The following PLPPR4 variants were observed in gnomAD, a reference collection of about 807,000 sequenced individuals.
PLPPR4 encodes phospholipid phosphatase-related protein type 4.
Under a neutral mutation model 56.6 loss-of-function variants are expected in PLPPR4, and 24 were observed. The observed-to-expected ratio is 0.42, with a 90% CI of 0.31 to 0.60. The LOEUF is 0.60. Among genes scored for constraint, PLPPR4 ranks in the 20% least tolerant of loss-of-function variants. PLPPR4 has a pLI of 0.13. For missense variants in PLPPR4, 654 were observed against 885.8 expected (o/e 0.74, Z 3.32); for synonymous variants, 326 against 328.1 (o/e 0.99, Z 0.07).
intron 1 of PLPPR4, 56 bp from the exon 2 acceptor site, chr1:99,287,909 T>C (rs1659509324): frequency 2.9e-6 from 4 of 1,385,636 alleles, no homozygotes; most frequent in Admixed American, 1.9e-5. Flanking sequence ...TTGTTTTCTA[T>C]GTATGCCCTG....
chr1:99,301,088 T>G (rs748307081), intron 5 of PLPPR4, 122 bp downstream of exon 5: 1 of 827,772 alleles, frequency 1.2e-6, no homozygotes, highest in Non-Finnish European at 2.0e-6. Context: ...AATTTAGCAC[T>G]GCAGCCTTTC....
intron 1 of PLPPR4, among the ~76,000 whole-genome samples, chr1:99,274,144 C>G (rs964147394): frequency 2.0e-5 from 3 of 151,934 alleles, no homozygotes; most frequent in Admixed American, 6.6e-5. Flanking sequence ...TATGGTAAAA[C>G]AAACTATTAG....
At chr1:99,278,073 A>G (rs770430268) in intron 1 of PLPPR4, among the ~76,000 whole-genome samples, 3 of 152,120 alleles carry the variant, frequency 2.0e-5, no homozygotes, top group African/African-American at 7.2e-5. Context: ...TTAACTATCT[A>G]TAAAAAGAAA....
intron 1 of PLPPR4, among the ~76,000 whole-genome samples, chr1:99,283,931 G>T (rs1557777022): frequency 6.6e-6 from 1 of 152,082 alleles, no homozygotes; most frequent in Non-Finnish European, 1.5e-5. Context: ...CAGCTTGGGC[G>T]ACAGAGCGAG....
chr1:99,292,440 T>C (rs1659645982), intron 2 of PLPPR4, among the ~76,000 whole-genome samples: 1 of 152,180 alleles, frequency 6.6e-6, no homozygotes, highest in South Asian at 2.1e-4. Flanking sequence ...AAATACACCA[T>C]GGCTCCCTTC....
At chr1:99,280,424 A>G (rs1659294985) in intron 1 of PLPPR4, among the ~76,000 whole-genome samples, 1 of 152,178 alleles carries the variant, frequency 6.6e-6, no homozygotes, top group Non-Finnish European at 1.5e-5. Context: ...GAAATTGCCT[A>G]TGTTTTTTGT....
intron 1 of PLPPR4, among the ~76,000 whole-genome samples, chr1:99,273,785 A>C (rs1209766438): frequency 6.6e-6 from 1 of 152,154 alleles, no homozygotes; most frequent in African/African-American, 2.4e-5. Context: ...TGGATGTAAT[A>C]AAATAGGACT....
chr1:99,292,017 T>C (rs1038880101), intron 2 of PLPPR4, among the ~76,000 whole-genome samples: 6 of 152,252 alleles, frequency 3.9e-5, no homozygotes, highest in African/African-American at 1.2e-4. Context: ...AAAGCGCTTA[T>C]CCTAAAAGTG....
chr1:99,271,823 A>G (rs959229060), intron 1 of PLPPR4, among the ~76,000 whole-genome samples: 7 of 151,810 alleles, frequency 4.6e-5, no homozygotes, highest in Non-Finnish European at 2.9e-5. Context: ...AAACTCAACA[A>G]GGTAATAGAA....
chr1:99,267,461 T>C (rs1658929340), intron 1 of PLPPR4, among the ~76,000 whole-genome samples: 1 of 152,172 alleles, frequency 6.6e-6, no homozygotes, highest in Non-Finnish European at 1.5e-5. Flanking sequence ...ACTTCTCTCA[T>C]CCTTAGTTTC....
chr1:99,301,918 T>C (rs1390201480), intron 6 of PLPPR4, 21 bp downstream of exon 6: 1 of 1,538,480 alleles, frequency 6.5e-7, no homozygotes. Flanking sequence ...TACTATTATC[T>C]TATAAGCCAA....
At position 99,296,703 on chromosome 1, in the gene PLPPR4, C is replaced by G; in HGVS notation, c.265-35C>G. The stretch of plus-strand genomic sequence containing the variant: ...CCTGTTGGCTTAATAGGTATTCCAA[C>G]ATGCCTCTTCCTGAATACCCTTCTA... On this transcript the variant is annotated intron_variant, in intron 2 of 6. Coordinates refer to ENST00000370185, the MANE Select transcript of PLPPR4 (RefSeq NM_014839.5). The G allele has an allele frequency of 2.6e-6, 4 of 1,532,866 alleles. No homozygotes were observed. The South Asian group carries it at 5.1e-5, about 20-fold the overall frequency. The allele number at this position is 1,532,866 out of a possible 1,614,324, so 95.0% of individuals were successfully genotyped here.
chr1:99,263,149 C>T (rs1204738961), upstream of PLPPR4, among the ~76,000 whole-genome samples: 1 of 152,090 alleles, frequency 6.6e-6, no homozygotes, highest in African/African-American at 2.4e-5. Context: ...GGGGCAACTC[C>T]AGGACCTACT....
At position 99,306,518 on chromosome 1, in the gene PLPPR4, G is replaced by A. The variant is rs1031953585; in HGVS notation, c.1656G>A (p.Thr552=). The change falls in exon 7 of 7, where the codon ACG becomes ACA. Residue 552 remains threonine (T), a synonymous_variant. Transcript: ENST00000370185. This position sits in a 1 kb window ranked among gnomAD's most constrained non-coding sequence, Gnocchi z 4.0. Reference sequence around the variant, plus strand: ...GCCCCAAGAACACTGAAGGCAGCACGGTCTCCTGCACTGGCTCCATCCGCT... The same window carrying A: ...GCCCCAAGAACACTGAAGGCAGCACAGTCTCCTGCACTGGCTCCATCCGCT... ...QSSPKNTEGS[T]VSCTGSIRYK... 5 of 1,614,014 alleles carry A rather than the reference G, an allele frequency of 3.1e-6. No individual in the cohort carries two copies. The highest frequency in any genetic ancestry group is 2.2e-5 in the East Asian group (1 of 44,880).
At chr1:99,264,312 T>G, upstream of PLPPR4, 2 of 701,258 alleles carry the variant, frequency 2.9e-6, no homozygotes, top group South Asian at 2.1e-5. Context: ...CAGCAACAGC[T>G]TGGAGGAGGG....
chr1:99,288,039 T>C lies in PLPPR4; in HGVS notation c.153T>C (p.Ser51=), dbSNP rs749374835. 1 of 1,613,936 alleles carries C rather than the reference T, an allele frequency of 6.2e-7. No individual in the cohort carries two copies. Among genetic ancestry groups the C allele is most frequent in the South Asian group, 1.1e-5 (1 of 91,070 alleles). The change falls in exon 2 of 7, where the codon TCT becomes TCC. Residue 51 remains serine, a synonymous_variant. Coordinates refer to ENST00000370185, the MANE Select transcript of PLPPR4 (RefSeq NM_014839.5). ...ELTDVFKPVH[S]GFSCYDRSLS... is the part of the protein sequence containing the mutation. ...CAGATGTCTTCAAACCTGTGCACTC[T>C]GGATTTAGCTGCTATGACCGGAGTC... is the stretch of plus-strand genomic sequence containing the variant.
At chr1:99,290,549 A>C (rs1317040242) in intron 2 of PLPPR4, among the ~76,000 whole-genome samples, 2 of 152,170 alleles carry the variant, frequency 1.3e-5, no homozygotes, top group Non-Finnish European at 1.5e-5. Flanking sequence ...ATTATACTAC[A>C]GGGCTACAGT....
intron 1 of PLPPR4, among the ~76,000 whole-genome samples, chr1:99,270,599 C>T (rs1271017801): frequency 1.3e-5 from 2 of 152,108 alleles, no homozygotes; most frequent in African/African-American, 4.8e-5. Context: ...TTAATTGTAG[C>T]AAACATTAAT....
chr1:99,274,843 T>C (rs1659142305), intron 1 of PLPPR4, among the ~76,000 whole-genome samples: 1 of 152,108 alleles, frequency 6.6e-6, no homozygotes, highest in African/African-American at 2.4e-5. Flanking sequence ...ATATCATATA[T>C]AAACTCGTCA....
Sources: gnomAD v4.1 joint callset for allele counts (sites outside exome capture counted in the v4.1 genomes callset) on GRCh38, gnomAD v4.1.1 for gene constraint, Gnocchi (gnomAD v3.1) non-coding constraint, MANE v1.5 for transcripts, NCBI Gene and HGNC (gene_info 2026-07-23, HGNC 2026-07-21) for gene names.